The following GGH variants were observed in gnomAD, a reference collection of about 807,000 sequenced individuals.
GGH encodes gamma-Glu-X carboxypeptidase.
Under a neutral mutation model 39.2 loss-of-function variants are expected in GGH, and 18 were observed. The observed-to-expected ratio is 0.46, with a 90% CI of 0.32 to 0.68. The LOEUF is 0.68. Ranked by LOEUF, GGH falls within the 30% of genes least tolerant of loss-of-function variation. The pLI is 0.04. For synonymous variants in GGH, 147 were observed against 138.8 expected (o/e 1.06, Z -0.42); for missense variants, 367 against 384.1 (o/e 0.96, Z 0.37).
rs776778126 is a variant in GGH, at chr8:63,017,549, T to C, written c.779A>G (p.His260Arg). 4.3e-6 allele frequency: 7 copies of C among 1,611,338 alleles called. No individual in the cohort carries two copies. In the East Asian group the frequency reaches 6.7e-5, roughly 15 times the overall value. ...YEWKNLDGISHAPNAVKTAFY... is the reference protein window; with the variant it reads ...YEWKNLDGISRAPNAVKTAFY... Reference sequence around the variant, plus strand: ...TGCGGTTTTCACAGCATTAGGTGCATGGGAAATGCCATCCAAATTCTTCCA... The same window carrying C: ...TGCGGTTTTCACAGCATTAGGTGCACGGGAAATGCCATCCAAATTCTTCCA... The change falls in exon 8 of 9, where the codon CAT becomes CGT. Residue 260 changes from histidine to arginine, a missense_variant. Transcript: ENST00000260118.
rs1227851045 is a variant in GGH at position 63,015,202 on chromosome 8, T to C, written c.*130A>G. 8 of 522,412 alleles carry C rather than the reference T, an allele frequency of 1.5e-5. No homozygotes were observed. The highest frequency in any genetic ancestry group is 2.7e-5 in the Non-Finnish European group (8 of 299,726). The allele number at this position is 522,412 out of a possible 1,614,324, so 32.4% of individuals were successfully genotyped here. On this transcript the variant is annotated 3_prime_UTR_variant, in exon 9 of 9. Transcript: ENST00000260118. The stretch of plus-strand genomic sequence containing the variant: ...GTTATATAAATAGTCACATACAGAA[T>C]GAAGAATCAGAGCCAGGCACATTAT...
intron 1 of GGH, among the ~76,000 whole-genome samples, chr8:63,038,351 TTTTA>T (rs1266089912): frequency 2.6e-5 from 4 of 152,266 alleles, no homozygotes; most frequent in Non-Finnish European, 5.9e-5. Context: ...AAAGGAAATG[TTTTA>T]TTTTAGTAGA....
chr8:63,017,410 C>T (rs1804504502), intron 8 of GGH, 83 bp downstream of exon 8: 2 of 834,418 alleles, frequency 2.4e-6, no homozygotes, highest in African/African-American at 3.4e-5. Flanking sequence ...ATTTATAGAG[C>T]AAAAGGGTAG....
At chr8:63,020,915 G>A (rs959106370) in intron 7 of GGH, among the ~76,000 whole-genome samples, 2 of 152,158 alleles carry the variant, frequency 1.3e-5, no homozygotes, top group African/African-American at 4.8e-5. Context: ...AGCCTTAAGA[G>A]GCTGCTGCTG....
At chr8:63,019,367 G>A (rs1238931313) in intron 7 of GGH, among the ~76,000 whole-genome samples, 1 of 152,126 alleles carries the variant, frequency 6.6e-6, no homozygotes, top group Non-Finnish European at 1.5e-5. Context: ...CTTTCCATTC[G>A]ATCGGTGACA....
At chr8:63,032,228 GT>G (rs1804820166) in intron 2 of GGH, among the ~76,000 whole-genome samples, 1 of 151,954 alleles carries the variant, frequency 6.6e-6, no homozygotes, top group African/African-American at 2.4e-5. Flanking sequence ...ATAGATAGGG[GT>G]TTTTCCATGT....
At chr8:63,029,783 C>T (rs12681874) in intron 3 of GGH, among the ~76,000 whole-genome samples, 27,302 of 151,592 alleles carry the variant, frequency 0.18, 2,633 homozygotes, top group East Asian at 0.41. Flanking sequence ...AATATTTTTT[C>T]CCAATTTACC....
chr8:63,022,842 A>G (rs1235393910), intron 7 of GGH, among the ~76,000 whole-genome samples: 1 of 152,176 alleles, frequency 6.6e-6, no homozygotes, highest in African/African-American at 2.4e-5. Context: ...AATTTCTAAT[A>G]GCTGAATTTG....
chr8:63,033,836 A>C (rs996564025), intron 2 of GGH, among the ~76,000 whole-genome samples: 1 of 151,718 alleles, frequency 6.6e-6, no homozygotes. Context: ...TGTGTACCCA[A>C]TGTTTAGCTC....
chr8:63,036,096 C>G (rs1399657836), intron 1 of GGH, among the ~76,000 whole-genome samples: 1 of 152,166 alleles, frequency 6.6e-6, no homozygotes, highest in Non-Finnish European at 1.5e-5. Flanking sequence ...GCTGTCACTC[C>G]TTTCCCACAC....
At position 63,020,518 on chromosome 8, in the gene GGH, C is replaced by T. The variant is rs115201255; in HGVS notation, c.698-2888G>A. Among the ~76,000 whole-genome samples the T allele has an allele frequency of 4.9e-3, 746 of 152,228 alleles. 3 individuals carry two copies. Among genetic ancestry groups the T allele is most frequent in the African/African-American group, 0.017 (702 of 41,532 alleles). On this transcript the variant is annotated intron_variant, in intron 7 of 8. Transcript: ENST00000260118. ...TGCATTAAGAAACGTTCCCACACAG[C>T]ACAAAGCACCAAGGTTGTGGAGAAG... is the stretch of plus-strand genomic sequence containing the variant.
chr8:63,019,024 T>C (rs1038876635), intron 7 of GGH, among the ~76,000 whole-genome samples: 3 of 152,190 alleles, frequency 2.0e-5, no homozygotes, highest in African/African-American at 7.2e-5. Context: ...ATATGAATTT[T>C]GCTAAAATTG....
At chr8:63,028,752 T>G (rs1804747199) in intron 3 of GGH, among the ~76,000 whole-genome samples, 1 of 152,178 alleles carries the variant, frequency 6.6e-6, no homozygotes. Flanking sequence ...TTTGCTGGTT[T>G]GCATGAAGAC....
chr8:63,019,080 A>G (rs554123182), intron 7 of GGH, among the ~76,000 whole-genome samples: 1 of 152,346 alleles, frequency 6.6e-6, no homozygotes, highest in East Asian at 1.9e-4. Flanking sequence ...GGATGGAAGA[A>G]TGGTAAAACC....
At chr8:63,018,975 G>T (rs557602365) in intron 7 of GGH, among the ~76,000 whole-genome samples, 10 of 152,134 alleles carry the variant, frequency 6.6e-5, no homozygotes, top group Middle Eastern at 3.4e-3. Context: ...GCACTAAGAA[G>T]GACAAGACAT....
chr8:63,037,642 C>G (rs920355220), intron 1 of GGH, among the ~76,000 whole-genome samples: 1 of 152,078 alleles, frequency 6.6e-6, no homozygotes, highest in East Asian at 1.9e-4. Context: ...AGCAAAGTCC[C>G]TTTTTTAAAT....
intron 2 of GGH, among the ~76,000 whole-genome samples, chr8:63,033,992 T>C (rs1045870599): frequency 2.0e-5 from 3 of 146,570 alleles, no homozygotes; most frequent in African/African-American, 5.0e-5. Flanking sequence ...CTTATATATA[T>C]ATATATATGT....
chr8:63,023,660 C>T (rs994522109), intron 7 of GGH: 13 of 270,284 alleles, frequency 4.8e-5, no homozygotes, highest in Non-Finnish European at 6.9e-5. Flanking sequence ...TCATTTTCTT[C>T]ATTTCTTTCT....
At chr8:63,025,911 G>A (rs1405253859) in intron 5 of GGH, among the ~76,000 whole-genome samples, 3 of 152,060 alleles carry the variant, frequency 2.0e-5, no homozygotes, top group Non-Finnish European at 4.4e-5. Context: ...ACACAGTCCT[G>A]ATATCACTAG....
Sources: gnomAD v4.1 joint callset for allele counts (sites outside exome capture counted in the v4.1 genomes callset) on GRCh38, gnomAD v4.1.1 for gene constraint, MANE v1.5 for transcripts, NCBI Gene and HGNC (gene_info 2026-07-23, HGNC 2026-07-21) for gene names.